GAB1: variants seen among roughly 807,000 people sequenced by gnomAD.
GAB1 encodes the protein GRB2-associated-binding protein 1.
In GAB1, 19 loss-of-function variants were observed where a neutral mutation model predicts 66.5. The observed-to-expected ratio is 0.29, with a 90% CI of 0.20 to 0.42. The LOEUF (loss-of-function observed/expected upper bound fraction) is 0.42, where lower values mean the gene tolerates loss of function less well. Among genes scored for constraint, GAB1 ranks in the 10% least tolerant of loss-of-function variants. GAB1 has a pLI of 1.00. For missense variants in GAB1, 732 were observed against 858.5 expected, an observed-to-expected ratio of 0.85 and a Z score of 1.84; for synonymous variants, 294 against 301.4, an observed-to-expected ratio of 0.98 and a Z score of 0.25.
chr4:143,348,598 C>T lies in GAB1; in HGVS notation c.72+11338C>T, dbSNP rs371226420. Among the ~76,000 whole-genome samples, 4 of 152,356 alleles carry T rather than the reference C, an allele frequency of 2.6e-5. No individual in the cohort carries two copies. In the East Asian group the frequency reaches 5.8e-4, roughly 22 times the overall value. On this transcript the variant is annotated intron_variant, in intron 1 of 9. Transcript: ENST00000262994. ...AGTTGCAGTTGCTGCTCTCTGCCTC[C>T]TCTTGGGCCCCTCTTAGCTGTCTTA...
intron 1 of GAB1, among the ~76,000 whole-genome samples, chr4:143,360,745 T>C (rs1729631996): frequency 6.6e-6 from 1 of 152,150 alleles, no homozygotes; most frequent in South Asian, 2.1e-4. Context: ...GCAATTTTGG[T>C]CTTACTGAAA....
intron 1 of GAB1, among the ~76,000 whole-genome samples, chr4:143,373,250 C>T (rs960687517): frequency 6.6e-6 from 1 of 152,194 alleles, no homozygotes; most frequent in Non-Finnish European, 1.5e-5. Flanking sequence ...TATTGTCTTT[C>T]ATCTAACTTG....
chr4:143,418,710 A>G (rs1732841117), intron 2 of GAB1, among the ~76,000 whole-genome samples: 1 of 152,160 alleles, frequency 6.6e-6, no homozygotes, highest in Non-Finnish European at 1.5e-5. Context: ...GCTCCTAAAT[A>G]TATTTACAAA....
At chr4:143,428,660 A>C (rs1351387706) in intron 2 of GAB1, among the ~76,000 whole-genome samples, 4 of 152,118 alleles carry the variant, frequency 2.6e-5, no homozygotes. Flanking sequence ...GTAAGTTTAA[A>C]ATGTAGGCAA....
intron 1 of GAB1, among the ~76,000 whole-genome samples, chr4:143,382,363 A>G (rs1183948936): frequency 1.3e-5 from 2 of 152,230 alleles, no homozygotes; most frequent in African/African-American, 2.4e-5. Context: ...AAATGAAATA[A>G]TACTGTGGAG....
At chr4:143,456,273 C>T (rs1283043573) in intron 6 of GAB1, among the ~76,000 whole-genome samples, 3 of 152,006 alleles carry the variant, frequency 2.0e-5, no homozygotes, top group East Asian at 1.9e-4. Context: ...CTGGCTAACA[C>T]GGTGAAACCC....
In GAB1 at chr4:143,440,145, A is replaced by T; in HGVS notation, c.1348A>T (p.Met450Leu). The T allele has an allele frequency of 6.2e-7, 1 of 1,614,212 alleles. No individual in the cohort carries two copies. The highest frequency in any genetic ancestry group is 1.1e-5 in the South Asian group (1 of 91,082). Residue 450 changes from methionine to leucine, a missense_variant, in exon 6 of 10, where the codon ATG becomes TTG. This residue lies in a region of GAB1 where 427 missense variants were observed against 420.6 expected (regional missense o/e 1.02). Transcript: ENST00000262994. ...SEELDENYVP[M>L]NPNSPPRQHS... ...AGAACTGGATGAAAATTACGTCCCA[A>T]TGAATCCCAATTCACCACCACGACA...
At chr4:143,468,053 T>C (rs907390250) in intron 9 of GAB1, among the ~76,000 whole-genome samples, 22 of 152,292 alleles carry the variant, frequency 1.4e-4, no homozygotes, top group Middle Eastern at 3.4e-3. Flanking sequence ...TCTTGTTAGC[T>C]CTCAAAGTAA....
chr4:143,348,899 A>T (rs576259485), intron 1 of GAB1, among the ~76,000 whole-genome samples: 51 of 152,240 alleles, frequency 3.3e-4, no homozygotes, highest in Non-Finnish European at 4.6e-4. Context: ...CCTCTCCTCC[A>T]GGAGTCCTTG....
intron 2 of GAB1, among the ~76,000 whole-genome samples, chr4:143,429,250 G>C (rs189307531): frequency 6.6e-6 from 1 of 152,000 alleles, no homozygotes; most frequent in Non-Finnish European, 1.5e-5. Context: ...CTACAGGCAC[G>C]TGCCACCACA....
In GAB1 at chr4:143,394,089, C is replaced by T. The variant is rs147098365; in HGVS notation, c.73-21388C>T. On this transcript the variant is annotated intron_variant, in intron 1 of 9. Transcript: ENST00000262994. ...GAGATCGAGACCATCCTGGCTAACACGGTGAAACCCTGTCTCTATTAAAAA... is the reference window on the plus strand; with the variant it reads ...GAGATCGAGACCATCCTGGCTAACATGGTGAAACCCTGTCTCTATTAAAAA... 2.4e-4 allele frequency among the ~76,000 whole-genome samples: 36 copies of T among 152,102 alleles called. 1 individual carries two copies. Among genetic ancestry groups the T allele is most frequent in the African/African-American group, 6.3e-4 (26 of 41,498 alleles).
At chr4:143,466,961 C>CTA (rs1735823174) in intron 9 of GAB1, among the ~76,000 whole-genome samples, 1 of 152,150 alleles carries the variant, frequency 6.6e-6, no homozygotes. Context: ...TTACATTTTC[C>CTA]TACATGTTGA....
chr4:143,412,373 A>G (rs1732443118), intron 1 of GAB1, among the ~76,000 whole-genome samples: 1 of 152,138 alleles, frequency 6.6e-6, no homozygotes, highest in Non-Finnish European at 1.5e-5. Context: ...GATGCTTTGA[A>G]AGCACTCTCT....
rs142495832 is a variant in GAB1 at position 143,379,683 on chromosome 4, C to T, written c.73-35794C>T. Among the ~76,000 whole-genome samples, 1,162 of 152,154 alleles carry T rather than the reference C, an allele frequency of 7.6e-3. 9 individuals carry two copies. Among genetic ancestry groups the T allele is most frequent in the Non-Finnish European group, 1.0e-2 (679 of 67,992 alleles). On this transcript the variant is annotated intron_variant, in intron 1 of 9. Coordinates refer to ENST00000262994, the MANE Select transcript of GAB1 (RefSeq NM_002039.4). ...CTCACTGCAGCCTCGACCTCCTGGG[C>T]TCAAGTGATCTTCCCACCTCAGTCT...
intron 6 of GAB1, among the ~76,000 whole-genome samples, chr4:143,459,136 T>C (rs1319496618): frequency 6.6e-6 from 1 of 152,112 alleles, no homozygotes; most frequent in Admixed American, 6.5e-5. Flanking sequence ...TTAGGCAACA[T>C]GTTGTAATAG....
At chr4:143,414,842 A>G (rs894032111) in intron 1 of GAB1, among the ~76,000 whole-genome samples, 1 of 152,188 alleles carries the variant, frequency 6.6e-6, no homozygotes, top group African/African-American at 2.4e-5. Flanking sequence ...GCTATTTTTA[A>G]TATACAATTC....
chr4:143,368,040 C>T (rs1334167710), intron 1 of GAB1, among the ~76,000 whole-genome samples: 1 of 151,964 alleles, frequency 6.6e-6, no homozygotes, highest in Non-Finnish European at 1.5e-5. Flanking sequence ...TCCTTAAGTT[C>T]AAATCATGGA....
At chr4:143,401,612 C>T (rs1731777119) in intron 1 of GAB1, among the ~76,000 whole-genome samples, 1 of 152,128 alleles carries the variant, frequency 6.6e-6, no homozygotes, top group African/African-American at 2.4e-5. Flanking sequence ...ACCTTTCCCT[C>T]CGTAATTCTA....
Position 143,470,151 on chromosome 4 carries a change from G to A in GAB1, c.*962G>A, listed in dbSNP as rs1006650626. 2 of 152,070 alleles carry A rather than the reference G, an allele frequency of 1.3e-5. No individual in the cohort carries two copies. Among genetic ancestry groups the A allele is most frequent in the African/African-American group, 2.4e-5 (1 of 41,390 alleles). The allele number at this position is 152,070 out of a possible 1,614,324, so 9.4% of individuals were successfully genotyped here. On this transcript the variant is annotated 3_prime_UTR_variant, in exon 10 of 10. Transcript: ENST00000262994. ...ACTGTTAGTTACAGCAACATACTGTGATTTTTAATTAGATAGTAATTCAGA... is the reference window on the plus strand; with the variant it reads ...ACTGTTAGTTACAGCAACATACTGTAATTTTTAATTAGATAGTAATTCAGA...
Sources: allele counts gnomAD v4.1 joint callset (sites outside exome capture counted in the v4.1 genomes callset), GRCh38; gene constraint gnomAD v4.1.1; regional missense constraint gnomAD v4.1.1; transcripts MANE v1.5; gene names NCBI Gene and HGNC (gene_info 2026-07-23, HGNC 2026-07-21).